SLC12A6: variants seen among roughly 807,000 people sequenced by gnomAD.
SLC12A6 encodes the protein solute carrier family 12 member 6, also known as K-Cl cotransporter 3.
A neutral mutation model predicts 135.3 loss-of-function variants in SLC12A6; 66 were observed. That is an observed-to-expected ratio of 0.49 (90% confidence interval 0.40 to 0.60). The LOEUF (loss-of-function observed/expected upper bound fraction) is 0.60. Ranked by LOEUF, SLC12A6 falls within the 20% of genes least tolerant of loss-of-function variation. The probability of loss-of-function intolerance (pLI) is 0.00; values close to 1 mark genes in which losing one functional copy is unlikely to be tolerated. For synonymous variants in SLC12A6, 513 were observed against 508.8 expected (o/e 1.01, Z -0.11); for missense variants, 1,058 against 1,452.3 (o/e 0.73, Z 4.41).
intron 2 of SLC12A6, among the ~76,000 whole-genome samples, chr15:34,291,277 A>C (rs1595510940): frequency 2.0e-5 from 3 of 152,132 alleles, no homozygotes; most frequent in East Asian, 3.9e-4. Flanking sequence ...CTGGGTTGAA[A>C]ATTCTTTTCT....
At position 34,238,632 on chromosome 15, in the gene SLC12A6, A is replaced by AG. The variant is rs1891437950; in HGVS notation, c.2633-232dup. 1.2e-5 allele frequency: 7 copies of AG among 603,058 alleles called. No individual in the cohort carries two copies. The South Asian group carries it at 1.4e-4, about 12-fold the overall frequency. The allele number at this position is 603,058 out of a possible 1,614,324, so 37.4% of individuals were successfully genotyped here. On this transcript the variant is annotated intron_variant, in intron 20 of 25. Transcript: ENST00000354181. The stretch of plus-strand genomic sequence containing the variant: ...GTATATTCCCATTACTACATTTCTA[A>AG]GGGGGGATATGTGAATTTGAGAGAT...
chr15:34,275,935 AG>A (rs1444353799), intron 2 of SLC12A6, among the ~76,000 whole-genome samples: 2 of 152,136 alleles, frequency 1.3e-5, no homozygotes, highest in Admixed American at 1.3e-4. Flanking sequence ...AGCAGATTAG[AG>A]GTTACCAGGG....
rs984059975 is a variant in SLC12A6, at chr15:34,245,835, A to G, written c.1682T>C (p.Val561Ala). Residue 561 changes from valine to alanine, a missense_variant, in exon 14 of 26, where the codon GTA (valine) becomes GCA (alanine). By Grantham distance (64) the Val-to-Ala change is moderately conservative. Transcript: ENST00000354181. ...FGDAVKGNLV[V>A]GTLSWPSPWV... ...TGGGGATGGCCAAGATAAGGTGCCT[A>G]CCACCAAATTACCTTTCACAGCATC... 9 of 1,613,602 alleles carry G rather than the reference A, an allele frequency of 5.6e-6. No individual in the cohort carries two copies. The highest frequency in any genetic ancestry group is 7.6e-6 in the Non-Finnish European group (9 of 1,179,518).
chr15:34,246,600 C>T (rs1035745637), intron 13 of SLC12A6, among the ~76,000 whole-genome samples: 1 of 151,642 alleles, frequency 6.6e-6, no homozygotes, highest in African/African-American at 2.4e-5. Flanking sequence ...TAATTAACAT[C>T]TTTATGCACA....
rs1566800455 is a variant in SLC12A6 at position 34,237,563 on chromosome 15, C to T, written c.2803-13G>A. 1 of 1,609,178 alleles carries T rather than the reference C, an allele frequency of 6.2e-7. No homozygotes were observed. On this transcript the variant is annotated splice_polypyrimidine_tract_variant and intron_variant, in intron 21 of 25. Coordinates refer to ENST00000354181, the MANE Select transcript of SLC12A6 (RefSeq NM_001365088.1). ...ACTTTCGCCACACCTGAGAGAGTGA[C>T]ATACACATGTGAAAAATTAGAGCAA...
chr15:34,310,667 TGTC>T (rs1308073341), intron 2 of SLC12A6, among the ~76,000 whole-genome samples: 7 of 76,736 alleles, frequency 9.1e-5, no homozygotes, highest in Non-Finnish European at 1.5e-4. Flanking sequence ...TGTGTGTGTG[TGTC>T]CCCGTGTCCA....
intron 13 of SLC12A6, among the ~76,000 whole-genome samples, chr15:34,248,444 C>T (rs754668748): frequency 5.9e-5 from 9 of 152,004 alleles, no homozygotes; most frequent in Non-Finnish European, 8.8e-5. Context: ...CAAAATGATA[C>T]TCTAATTTAC....
At chr15:34,321,779 A>G (rs1056421822) in intron 2 of SLC12A6, among the ~76,000 whole-genome samples, 1 of 152,254 alleles carries the variant, frequency 6.6e-6, no homozygotes, top group African/African-American at 2.4e-5. Flanking sequence ...CTATTCAGCA[A>G]TAAAAAGGAA....
At chr15:34,237,031 C>T (rs763600829) in intron 22 of SLC12A6, 477 of 563,068 alleles carry the variant, frequency 8.5e-4, no homozygotes, top group Non-Finnish European at 1.4e-3. Context: ...ATAATCTAAC[C>T]AAGACATGTG....
At chr15:34,282,920 G>A (rs561503625) in intron 2 of SLC12A6, among the ~76,000 whole-genome samples, 5 of 152,256 alleles carry the variant, frequency 3.3e-5, no homozygotes, top group South Asian at 2.1e-4. Flanking sequence ...AACTTCATTC[G>A]TTCAACCATT....
At chr15:34,244,181 C>T in intron 15 of SLC12A6, 109 bp from the exon 16 acceptor site, 1 of 747,238 alleles carries the variant, frequency 1.3e-6, no homozygotes, top group South Asian at 1.4e-5. Context: ...ACAACTAACC[C>T]TTGATTAAGT....
intron 9 of SLC12A6, among the ~76,000 whole-genome samples, chr15:34,254,043 T>C (rs998227794): frequency 2.6e-5 from 4 of 152,188 alleles, no homozygotes; most frequent in Admixed American, 6.5e-5. Context: ...CCTTTATGAA[T>C]AGTTCAAAAT....
At chr15:34,310,911 A>T (rs1888208331) in intron 2 of SLC12A6, among the ~76,000 whole-genome samples, 2 of 151,974 alleles carry the variant, frequency 1.3e-5, no homozygotes, top group Admixed American at 1.3e-4. Flanking sequence ...TGAGCCACCA[A>T]GCCCAGCCAA....
intron 2 of SLC12A6, among the ~76,000 whole-genome samples, chr15:34,275,654 C>T (rs2140890128): frequency 6.6e-6 from 1 of 152,222 alleles, no homozygotes; most frequent in East Asian, 1.9e-4. Context: ...CAAACAGATA[C>T]TTTACCACAA....
chr15:34,314,383 A>G (rs1888485854), intron 2 of SLC12A6, among the ~76,000 whole-genome samples: 1 of 152,142 alleles, frequency 6.6e-6, no homozygotes, highest in East Asian at 1.9e-4. Flanking sequence ...GCTGAAACCT[A>G]CTGCCCAGGA....
chr15:34,286,885 T>C lies in SLC12A6; in HGVS notation c.272-11496A>G, dbSNP rs1252654639. The stretch of plus-strand genomic sequence containing the variant: ...ATACTATGCTTCAAAAGAGGACAAA[T>C]AATAAAGCTTAAATATGATGACACC... On this transcript the variant is annotated intron_variant, in intron 2 of 25. Coordinates refer to ENST00000354181, the MANE Select transcript of SLC12A6 (RefSeq NM_001365088.1). 2.0e-5 allele frequency among the ~76,000 whole-genome samples: 3 copies of C among 152,188 alleles called. No homozygotes were observed. The East Asian group carries it at 5.8e-4, about 29-fold the overall frequency.
intron 2 of SLC12A6, among the ~76,000 whole-genome samples, chr15:34,315,343 T>C (rs989961836): frequency 5.9e-5 from 9 of 152,168 alleles, no homozygotes; most frequent in South Asian, 2.1e-4. Flanking sequence ...GCCATCAACA[T>C]TGAGCCAACA....
intron 2 of SLC12A6, among the ~76,000 whole-genome samples, chr15:34,313,941 TA>T (rs1888443372): frequency 7.3e-6 from 1 of 136,578 alleles, no homozygotes. Context: ...TCCTGTCTCT[TA>T]AAAACGAAAA....
intron 2 of SLC12A6, among the ~76,000 whole-genome samples, chr15:34,308,643 A>ACAAAAC (rs1887918129): frequency 6.6e-6 from 1 of 151,248 alleles, no homozygotes; most frequent in Admixed American, 6.6e-5. Flanking sequence ...AAAAAAAAAA[A>ACAAAAC]AAAAAAAAAC....
Sources: allele counts gnomAD v4.1 joint callset (sites outside exome capture counted in the v4.1 genomes callset), GRCh38; gene constraint gnomAD v4.1.1; transcripts MANE v1.5; gene names NCBI Gene and HGNC (gene_info 2026-07-23, HGNC 2026-07-21).